The following TSPAN18 variants were observed in gnomAD, a reference collection of about 807,000 sequenced individuals.
TSPAN18 encodes the protein tetraspanin-18.
In TSPAN18, 14 loss-of-function variants were observed where a neutral mutation model predicts 27.3. The ratio of observed to expected loss-of-function variants is 0.51; its 90% confidence interval spans 0.34 to 0.80. The LOEUF (loss-of-function observed/expected upper bound fraction) is 0.80. TSPAN18 is among the 30% of genes least tolerant of loss of function. The probability of loss-of-function intolerance (pLI) is 0.01; values close to 1 mark genes in which losing one functional copy is unlikely to be tolerated. For synonymous variants in TSPAN18, 143 were observed against 136.5 expected (o/e 1.05, Z -0.33); for missense variants, 268 against 323.9 (o/e 0.83, Z 1.32).
chr11:44,845,328 T>C (rs1480223147), intron 2 of TSPAN18, among the ~76,000 whole-genome samples: 1 of 152,192 alleles, frequency 6.6e-6, no homozygotes, highest in Non-Finnish European at 1.5e-5. Context: ...GACCTACAAC[T>C]TATAGAGCTG....
At chr11:44,793,184 G>A (rs565020485) in intron 2 of TSPAN18, among the ~76,000 whole-genome samples, 4 of 152,310 alleles carry the variant, frequency 2.6e-5, no homozygotes, top group East Asian at 3.9e-4. Flanking sequence ...GCTGACAGGC[G>A]TGTGCCACCA....
chr11:44,742,809 A>G (rs2134828737), intron 1 of TSPAN18, among the ~76,000 whole-genome samples: 1 of 152,340 alleles, frequency 6.6e-6, no homozygotes, highest in Admixed American at 6.5e-5. Context: ...CCGACTCCTC[A>G]TCCTTTCCTG....
At chr11:44,805,582 AC>A (rs113773123) in intron 2 of TSPAN18, among the ~76,000 whole-genome samples, 1,769 of 152,272 alleles carry the variant, frequency 0.012, 24 homozygotes, top group African/African-American at 0.041. Context: ...GCTCAGTCAC[AC>A]GGTCTCCCTG....
At chr11:44,742,697 G>C (rs2134828449) in intron 1 of TSPAN18, among the ~76,000 whole-genome samples, 1 of 152,324 alleles carries the variant, frequency 6.6e-6, no homozygotes, top group South Asian at 2.1e-4. Context: ...CTGCTCCCCT[G>C]TTCTCGCTTG....
chr11:44,848,375 C>G (rs74882993), intron 2 of TSPAN18, among the ~76,000 whole-genome samples: 8,285 of 152,278 alleles, frequency 0.054, 1,335 homozygotes, highest in East Asian at 0.53. Flanking sequence ...GCTGGCTCCA[C>G]TGAGCTGCCT....
At position 44,931,819 on chromosome 11, in the gene TSPAN18, G is replaced by C. The variant is rs1224427289; in HGVS notation, c.*2641G>C. ...AGGTTCTGGTGGTGGCTGGGGTTGT[G>C]GGGGAGGGGTGGGCAGGGATACCTC... On this transcript the variant is annotated 3_prime_UTR_variant, in exon 10 of 10. Coordinates refer to ENST00000520358, the MANE Select transcript of TSPAN18 (RefSeq NM_130783.5). The C allele has an allele frequency of 6.6e-6, 1 of 152,038 alleles. No individual in the cohort carries two copies. The highest frequency in any genetic ancestry group is 2.4e-5 in the African/African-American group (1 of 41,398). The allele number at this position is 152,038 out of a possible 1,614,324, so 9.4% of individuals were successfully genotyped here. A position where few individuals can be genotyped will look rare whatever the true frequency, so the allele number is the denominator to read the frequency against.
At chr11:44,918,175 C>T in intron 6 of TSPAN18, 129 bp downstream of exon 6, 1 of 961,558 alleles carries the variant, frequency 1.0e-6, no homozygotes, top group African/African-American at 1.6e-5. Flanking sequence ...CACTTCCAGC[C>T]CAAGTCATGG....
intron 3 of TSPAN18, among the ~76,000 whole-genome samples, chr11:44,869,532 A>G (rs1241494607): frequency 6.6e-6 from 1 of 152,196 alleles, no homozygotes; most frequent in African/African-American, 2.4e-5. Flanking sequence ...GCAAATGTAC[A>G]TGTCCCACGT....
chr11:44,785,034 A>T (rs1856023118), intron 2 of TSPAN18, among the ~76,000 whole-genome samples: 1 of 152,242 alleles, frequency 6.6e-6, no homozygotes, highest in African/African-American at 2.4e-5. Context: ...TAACCACGGT[A>T]ATGAGACAAA....
chr11:44,775,183 T>C (rs1210038860), intron 2 of TSPAN18, among the ~76,000 whole-genome samples: 2 of 152,174 alleles, frequency 1.3e-5, no homozygotes, highest in African/African-American at 2.4e-5. Context: ...CTATAGACAA[T>C]GACTCAATTT....
chr11:44,843,662 C>T (rs1857421510), intron 2 of TSPAN18, among the ~76,000 whole-genome samples: 1 of 152,184 alleles, frequency 6.6e-6, no homozygotes, highest in Non-Finnish European at 1.5e-5. Context: ...GAGACAGGTA[C>T]ACGCCGGGGG....
intron 1 of TSPAN18, among the ~76,000 whole-genome samples, chr11:44,762,990 G>A (rs7104896): frequency 0.33 from 50,481 of 151,978 alleles, 11,851 homozygotes; most frequent in East Asian, 0.8. Flanking sequence ...CACTAGCACC[G>A]GGCTTGACTT....
intron 2 of TSPAN18, among the ~76,000 whole-genome samples, chr11:44,778,969 A>G (rs1320380604): frequency 6.6e-6 from 1 of 152,024 alleles, no homozygotes; most frequent in African/African-American, 2.4e-5. Context: ...TCCTCCCAGG[A>G]TGGTTAGATG....
intron 3 of TSPAN18, chr11:44,886,439 T>C (rs767143253): frequency 5.3e-5 from 8 of 152,224 alleles, no homozygotes; most frequent in Admixed American, 2.0e-4. Flanking sequence ...GGCTGTGTCA[T>C]CTCAGGCAAA....
chr11:44,758,392 A>G (rs1289418004), intron 1 of TSPAN18, among the ~76,000 whole-genome samples: 1 of 152,240 alleles, frequency 6.6e-6, no homozygotes, highest in African/African-American at 2.4e-5. Flanking sequence ...CATTCCAGAA[A>G]TAAGTCCCAC....
intron 3 of TSPAN18, among the ~76,000 whole-genome samples, chr11:44,880,606 G>T (rs1007695656): frequency 2.6e-5 from 4 of 152,204 alleles, no homozygotes; most frequent in African/African-American, 9.6e-5. Context: ...TGAGAAGTAG[G>T]CCACTGAGAG....
At chr11:44,916,288 C>T (rs1353368844) in intron 5 of TSPAN18, among the ~76,000 whole-genome samples, 7 of 152,156 alleles carry the variant, frequency 4.6e-5, no homozygotes, top group Non-Finnish European at 8.8e-5. Context: ...ACTGGGGTCT[C>T]CCTGGGGTGG....
intron 3 of TSPAN18, among the ~76,000 whole-genome samples, chr11:44,861,994 G>A (rs565844444): frequency 1.3e-5 from 2 of 152,188 alleles, no homozygotes; most frequent in South Asian, 2.1e-4. Flanking sequence ...TCCACTCGCC[G>A]GGAAGGCCTG....
intron 1 of TSPAN18, among the ~76,000 whole-genome samples, chr11:44,742,112 G>C (rs949373306): frequency 6.6e-6 from 1 of 152,164 alleles, no homozygotes; most frequent in Non-Finnish European, 1.5e-5. Flanking sequence ...GCAGGTGGAG[G>C]GGGTATGAGA....
Sources: gnomAD v4.1 joint callset for allele counts (sites outside exome capture counted in the v4.1 genomes callset) on GRCh38, gnomAD v4.1.1 for gene constraint, MANE v1.5 for transcripts, NCBI Gene and HGNC (gene_info 2026-07-23, HGNC 2026-07-21) for gene names.